The following TTC19 variants were observed in gnomAD, a reference collection of about 807,000 sequenced individuals.
TTC19 encodes tetratricopeptide repeat protein 19, mitochondrial.
A neutral mutation model predicts 49.5 loss-of-function variants in TTC19; 38 were observed. The ratio of observed to expected loss-of-function variants is 0.77; its 90% CI spans 0.59 to 1.01. TTC19 has a LOEUF of 1.01. TTC19 is among the 50% of genes least tolerant of loss of function. The pLI is 0.00. For missense variants in TTC19, 475 were observed against 477.7 expected (o/e 0.99, Z 0.05); for synonymous variants, 204 against 185.2 (o/e 1.10, Z -0.83).
rs1459472254 is a variant in TTC19 at position 16,017,893 on chromosome 17, CTGTATT to C, written c.677-7116_677-7111del. 2.0e-5 allele frequency among the ~76,000 whole-genome samples: 3 copies of C among 152,092 alleles called. No homozygotes were observed. In the South Asian group the frequency reaches 6.2e-4, roughly 31 times the overall value. ...TTACAGGAACTTTTCCCTCTCTGATCTGTATTTGTATTTTGTAGGGAAGGTATATGT... is the reference window on the plus strand; with the variant it reads ...TTACAGGAACTTTTCCCTCTCTGATCTGTATTTTGTAGGGAAGGTATATGT... On this transcript the variant is annotated intron_variant, in intron 7 of 9. Coordinates refer to ENST00000261647, the MANE Select transcript of TTC19 (RefSeq NM_017775.4).
At chr17:16,011,795 G>A (rs953125581) in intron 7 of TTC19, among the ~76,000 whole-genome samples, 6 of 152,216 alleles carry the variant, frequency 3.9e-5, no homozygotes, top group African/African-American at 1.4e-4. Context: ...GTGGGATTAA[G>A]AGTAACACTC....
In TTC19 at chr17:16,026,520, G is replaced by GT. The variant is rs1971567035; in HGVS notation, c.832-14dup. The GT allele has an allele frequency of 1.1e-5, 17 of 1,612,688 alleles. No homozygotes were observed. The highest frequency in any genetic ancestry group is 1.4e-5 in the Non-Finnish European group (17 of 1,179,296). ...AAGGCATGTTTTTAAAGAAAAAATT[G>GT]TTTTTTCTTTTACATACAGACCATT... On this transcript the variant is annotated intron_variant, in intron 8 of 9. Transcript: ENST00000261647.
chr17:16,027,450 A>C lies in TTC19; in HGVS notation c.1071A>C (p.Val357=). Residue 357 remains valine, a synonymous_variant, in exon 10 of 10, where the codon GTA becomes GTC. Coordinates refer to ENST00000261647, the MANE Select transcript of TTC19 (RefSeq NM_017775.4). ...QAKLKKDEIS[V]QHIREELAEL... ...AGCTGAAAAAAGATGAAATTTCTGTACAACACATCAGGGAAGAGTTGGCTG... is the reference window on the plus strand; with the variant it reads ...AGCTGAAAAAAGATGAAATTTCTGTCCAACACATCAGGGAAGAGTTGGCTG... 1 of 1,614,136 alleles carries C rather than the reference A, an allele frequency of 6.2e-7. No homozygotes were observed.
chr17:16,042,935 C>T (rs1210069551), intron 2 of TTC19, among the ~76,000 whole-genome samples: 1 of 152,150 alleles, frequency 6.6e-6, no homozygotes, highest in Non-Finnish European at 1.5e-5. Context: ...AGCGACCATT[C>T]AACTCCCCAG....
Position 15,999,943 on chromosome 17 carries a change from T to G in TTC19, c.95T>G (p.Leu32Arg). 1 of 1,328,692 alleles carries G rather than the reference T, an allele frequency of 7.5e-7. No individual in the cohort carries two copies. The highest frequency in any genetic ancestry group is 9.6e-7 in the Non-Finnish European group (1 of 1,046,410). The allele number at this position is 1,328,692 out of a possible 1,614,324, so 82.3% of individuals were successfully genotyped here. Residue 32 changes from leucine to arginine, a missense_variant, in exon 1 of 10, where the codon CTG (leucine) becomes CGG (arginine). Transcript: ENST00000261647. Reference sequence around the variant, plus strand: ...TGCTCCGCGCGCCTGCTCCCGGGGCTGGCAGGAGGTCCGGGGCCCGAGGTG... The same window carrying G: ...TGCTCCGCGCGCCTGCTCCCGGGGCGGGCAGGAGGTCCGGGGCCCGAGGTG... ...RGCSARLLPGLAGGPGPEVQV... is the reference protein window; with the variant it reads ...RGCSARLLPGRAGGPGPEVQV...
In TTC19 at chr17:16,000,132, T is replaced by C; in HGVS notation, c.199T>C (p.Ser67Pro). 6.4e-7 allele frequency: 1 copy of C among 1,571,796 alleles called. No homozygotes were observed. Among genetic ancestry groups the C allele is most frequent in the Non-Finnish European group, 8.6e-7 (1 of 1,167,244 alleles). ...LPLLAALAWF[S>P]RPAAAEEEEQ... ...CCTTCCCGCAGCGCTCGCCTGGTTC[T>C]CGAGGCCCGCTGCGGCAGAGGAGGA... Residue 67 changes from serine (S) to proline (P), a missense_variant, in exon 2 of 10, where the codon TCG (serine) becomes CCG (proline). Ser to Pro is a moderately conservative substitution (Grantham distance 74). Coordinates refer to ENST00000261647, the MANE Select transcript of TTC19 (RefSeq NM_017775.4).
chr17:16,009,142 C>T (rs1970994745), intron 7 of TTC19, among the ~76,000 whole-genome samples: 1 of 152,144 alleles, frequency 6.6e-6, no homozygotes, highest in South Asian at 2.1e-4. Context: ...AGTTTCAGTG[C>T]AGTGTGGAAG....
Position 15,999,977 on chromosome 17 carries a change from G to T in TTC19, c.129G>T (p.Pro43=). 1 of 1,288,318 alleles carries T rather than the reference G, an allele frequency of 7.8e-7. No individual in the cohort carries two copies. Among genetic ancestry groups the T allele is most frequent in the Non-Finnish European group, 9.8e-7 (1 of 1,020,912 alleles). The allele number at this position is 1,288,318 out of a possible 1,614,324, so 79.8% of individuals were successfully genotyped here. A position where few individuals can be genotyped will look rare whatever the true frequency, so the allele number is the denominator to read the frequency against. ...GTCCGGGGCCCGAGGTGCAGGTGCC[G>T]CCATCCCGAGTCGCGCCGCACGGCC... ...AGGPGPEVQV[P]PSRVAPHGRG... is the part of the protein sequence containing the mutation. The change falls in exon 1 of 10, where the codon CCG becomes CCT. Residue 43 remains proline (P), a synonymous_variant. Coordinates refer to ENST00000261647, the MANE Select transcript of TTC19 (RefSeq NM_017775.4).
rs766266855 is a variant in TTC19 at position 16,026,517 on chromosome 17, A to ATTGTTT, written c.832-20_832-15dup. On this transcript the variant is annotated intron_variant, in intron 8 of 9. Coordinates refer to ENST00000261647, the MANE Select transcript of TTC19 (RefSeq NM_017775.4). ...GTGAAGGCATGTTTTTAAAGAAAAA[A>ATTGTTT]TTGTTTTTTCTTTTACATACAGACC... The ATTGTTT allele has an allele frequency of 1.3e-5, 21 of 1,612,922 alleles. No individual in the cohort carries two copies. In the East Asian group the frequency reaches 4.7e-4, roughly 36 times the overall value.
At chr17:16,000,400 G>A in intron 2 of TTC19, 155 bp downstream of exon 2, 4 of 1,488,244 alleles carry the variant, frequency 2.7e-6, no homozygotes, top group Non-Finnish European at 3.6e-6. Flanking sequence ...ATCCGAGAGG[G>A]GATTGGAATC....
chr17:16,038,457 G>C (rs1235928176), intron 2 of TTC19, among the ~76,000 whole-genome samples: 1 of 149,572 alleles, frequency 6.7e-6, no homozygotes, highest in Non-Finnish European at 1.5e-5. Flanking sequence ...CCTTTTTTGA[G>C]ACAGGGTCTC....
chr17:16,027,163 C>A, intron 9 of TTC19: 1 of 603,484 alleles, frequency 1.7e-6, no homozygotes, highest in Non-Finnish European at 2.9e-6. Context: ...CATCAAAGTC[C>A]TCAGGATATA....
At chr17:16,040,351 T>G in intron 2 of TTC19, 1 of 1,050,012 alleles carries the variant, frequency 9.5e-7, no homozygotes, top group South Asian at 1.3e-5. Flanking sequence ...GTCACTCCCC[T>G]GGTATACAGT....
rs1163739715 is a variant in TTC19, at chr17:16,002,798, C to A, written c.429C>A (p.Ala143=). The change falls in exon 4 of 10, where the codon GCC becomes GCA. Residue 143 remains alanine, a synonymous_variant. Transcript: ENST00000261647. ...AATTTGTAATTTGCTTTCAGATGGC[C>A]AACTTAGCATTTATACGGGGTCAGC... ...KAITYTYDLM[A]NLAFIRGQLE... is the part of the protein sequence containing the mutation. 6.2e-7 allele frequency: 1 copy of A among 1,613,902 alleles called. No homozygotes were observed. Among genetic ancestry groups the A allele is most frequent in the Non-Finnish European group, 8.5e-7 (1 of 1,179,942 alleles).
At position 16,039,894 on chromosome 17, in the gene TTC19, G is replaced by T. The variant is rs1462221630; in HGVS notation, c.248-4609G>T. 6.6e-6 allele frequency: 3 copies of T among 454,314 alleles called. No individual in the cohort carries two copies. The East Asian group carries it at 1.3e-4, about 20-fold the overall frequency. 28.1% of individuals were successfully genotyped at this position (454,314 alleles called of 1,614,324 possible). A position where few individuals can be genotyped will look rare whatever the true frequency, so the allele number is the denominator to read the frequency against. On this transcript the variant is annotated intron_variant, in intron 2 of 2. Coordinates refer to the TTC19 transcript ENST00000470649. Reference sequence around the variant, plus strand: ...CAACCTCCGCCTCCCAGATTCAAGGGATTCTCCTACCTCAGTCTCCCAAGT... The same window carrying T: ...CAACCTCCGCCTCCCAGATTCAAGGTATTCTCCTACCTCAGTCTCCCAAGT...
In TTC19 at chr17:15,999,920, C is replaced by T. The variant is rs1970662778; in HGVS notation, c.72C>T (p.Cys24=). 13 of 1,350,768 alleles carry T rather than the reference C, an allele frequency of 9.6e-6. No individual in the cohort carries two copies. The highest frequency in any genetic ancestry group is 2.7e-4 in the Middle Eastern group (1 of 3,666). The allele number at this position is 1,350,768 out of a possible 1,614,324, so 83.7% of individuals were successfully genotyped here. ...LRAAGRRCRG[C]SARLLPGLAG... is the part of the protein sequence containing the mutation. The stretch of plus-strand genomic sequence containing the variant: ...CCGCGGGGCGGCGGTGCCGGGGCTG[C>T]TCCGCGCGCCTGCTCCCGGGGCTGG... The change falls in exon 1 of 10, where the codon TGC becomes TGT. Residue 24 remains cysteine, a synonymous_variant. Coordinates refer to ENST00000261647, the MANE Select transcript of TTC19 (RefSeq NM_017775.4).
chr17:16,005,851 C>T (rs1240451105), intron 6 of TTC19, among the ~76,000 whole-genome samples: 1 of 152,122 alleles, frequency 6.6e-6, no homozygotes, highest in African/African-American at 2.4e-5. Flanking sequence ...GGCTTTCACA[C>T]ATGGAGAAGT....
Position 16,028,385 on chromosome 17 carries a change from C to T in TTC19, c.*863C>T, listed in dbSNP as rs1390949372. 2.2e-6 allele frequency: 1 copy of T among 453,968 alleles called. No homozygotes were observed. Among genetic ancestry groups the T allele is most frequent in the African/African-American group, 2.0e-5 (1 of 50,002 alleles). The allele number at this position is 453,968 out of a possible 1,614,324, so 28.1% of individuals were successfully genotyped here. A position where few individuals can be genotyped will look rare whatever the true frequency, so the allele number is the denominator to read the frequency against. On this transcript the variant is annotated 3_prime_UTR_variant, in exon 10 of 10. Coordinates refer to ENST00000261647, the MANE Select transcript of TTC19 (RefSeq NM_017775.4). ...ATTCTAATGTGTACTGCTGGTATAGCTGAACTACTGACCTGGATCTTAGTC... is the reference window on the plus strand; with the variant it reads ...ATTCTAATGTGTACTGCTGGTATAGTTGAACTACTGACCTGGATCTTAGTC...
At chr17:16,011,288 C>A (rs754342045) in intron 7 of TTC19, among the ~76,000 whole-genome samples, 4 of 152,196 alleles carry the variant, frequency 2.6e-5, no homozygotes, top group Non-Finnish European at 5.9e-5. Flanking sequence ...TCAAGCAATT[C>A]TCATGCCTCT....
Sources: allele counts gnomAD v4.1 joint callset (sites outside exome capture counted in the v4.1 genomes callset), GRCh38; gene constraint gnomAD v4.1.1; transcripts MANE v1.5; gene names NCBI Gene and HGNC (gene_info 2026-07-23, HGNC 2026-07-21).